Variants in KIF13A observed in about 807,000 individuals in gnomAD.
KIF13A encodes kinesin-like protein KIF13A.
KIF13A carries 79 observed loss-of-function variants against 212.2 expected under a neutral mutation model. The ratio of observed to expected loss-of-function variants is 0.37; its 90% CI spans 0.31 to 0.45. The LOEUF is 0.45. KIF13A is among the 20% of genes least tolerant of loss of function. KIF13A has a pLI of 1.00. For missense variants in KIF13A, 1,901 were observed against 2,209.0 expected (o/e 0.86, Z 2.79); for synonymous variants, 789 against 808.6 (o/e 0.98, Z 0.41).
Position 17,987,518 on chromosome 6 carries a change from T to G in KIF13A, c.-55A>C, listed in dbSNP as rs1019538872. The G allele has an allele frequency of 1.0e-6, 1 of 1,001,684 alleles. No homozygotes were observed. Among genetic ancestry groups the G allele is most frequent in the Non-Finnish European group, 1.2e-6 (1 of 823,066 alleles). 62.0% of individuals were successfully genotyped at this position (1,001,684 alleles called of 1,614,324 possible). On this transcript the variant is annotated 5_prime_UTR_variant, in exon 1 of 39. An upstream open reading frame in the 5' UTR loses its in-frame stop. Transcript: ENST00000259711. This position sits in a 1 kb window ranked among gnomAD's most constrained non-coding sequence, Gnocchi z 7.7. Reference sequence around the variant, plus strand: ...CGCCCGCTCGGCCTTAGGCGGCCCCTCACGCGCGGCGCCGCCGCCGCTGCA... The same window carrying G: ...CGCCCGCTCGGCCTTAGGCGGCCCCGCACGCGCGGCGCCGCCGCCGCTGCA...
At position 17,951,701 on chromosome 6, in the gene KIF13A, A is replaced by G. The variant is rs1042979003; in HGVS notation, c.146+35353T>C. On this transcript the variant is annotated intron_variant, in intron 2 of 38. Transcript: ENST00000259711. This position sits in a 1 kb window ranked among gnomAD's most constrained non-coding sequence, Gnocchi z 4.9. Reference sequence around the variant, plus strand: ...TGTCTGCTCTGGACATTTCACATCAATGGAATCATACAATACATGGTTCCT... The same window carrying G: ...TGTCTGCTCTGGACATTTCACATCAGTGGAATCATACAATACATGGTTCCT... Among the ~76,000 whole-genome samples, 4 of 152,242 alleles carry G rather than the reference A, an allele frequency of 2.6e-5. No homozygotes were observed. The highest frequency in any genetic ancestry group is 2.1e-4 in the South Asian group (1 of 4,828).
At chr6:17,760,830 T>G (rs766055442), downstream of KIF13A, 51 of 1,612,912 alleles carry the variant, frequency 3.2e-5, no homozygotes, top group Non-Finnish European at 4.2e-5. Context: ...CGCCAAGCTG[T>G]GGCCTGAGGA....
At chr6:17,779,245 ATATATATATATATTTTTTTTTTTTTTTT>A (rs1477725626) in intron 32 of KIF13A, 146 bp from the exon 33 acceptor site, 1,466 of 96,356 alleles carry the variant, frequency 0.015, 9 homozygotes, top group Middle Eastern at 0.029. Context: ...GCATATATAT[ATATATATATATATTTTTTTTTTTTTTTT>A]TTTTTTTTTT....
chr6:17,954,085 G>A (rs1778124973), intron 2 of KIF13A, among the ~76,000 whole-genome samples: 1 of 152,082 alleles, frequency 6.6e-6, no homozygotes, highest in East Asian at 1.9e-4. Context: ...AGATCACGAG[G>A]TCAGGAGATG....
At position 17,776,245 on chromosome 6, in the gene KIF13A, A is replaced by G. The variant is rs1429497388; in HGVS notation, c.4170+1032T>C. On this transcript the variant is annotated intron_variant, in intron 34 of 38. Transcript: ENST00000259711. The surrounding 1 kb of genome is among the most constrained non-coding windows in gnomAD (Gnocchi z 4.6). The stretch of plus-strand genomic sequence containing the variant: ...CTCTACTTTTTAATATAAGAGCTAT[A>G]TATTTCCTAATAGTAGCCCTCACTC... Among the ~76,000 whole-genome samples, 4 of 152,138 alleles carry G rather than the reference A, an allele frequency of 2.6e-5. No homozygotes were observed. Among genetic ancestry groups the G allele is most frequent in the African/African-American group, 7.2e-5 (3 of 41,432 alleles).
At chr6:17,948,972 C>T (rs1025743318) in intron 2 of KIF13A, among the ~76,000 whole-genome samples, 17 of 152,032 alleles carry the variant, frequency 1.1e-4, no homozygotes, top group African/African-American at 2.9e-4. Flanking sequence ...AAATACTTTT[C>T]GACTAACAAT....
intron 2 of KIF13A, among the ~76,000 whole-genome samples, chr6:17,954,853 A>T (rs77229600): frequency 0.033 from 5,036 of 151,936 alleles, 191 homozygotes; most frequent in African/African-American, 0.087. Flanking sequence ...AAGAAAAAAA[A>T]TTTTTTTAAG....
intron 11 of KIF13A, among the ~76,000 whole-genome samples, chr6:17,836,483 C>T (rs10949462): frequency 0.45 from 68,231 of 152,012 alleles, 15,935 homozygotes; most frequent in South Asian, 0.54. Context: ...CATGTTGGTC[C>T]TCACAATGCT....
Position 17,945,461 on chromosome 6 carries a change from GA to G in KIF13A, c.146+41592del, listed in dbSNP as rs1257896676. On this transcript the variant is annotated intron_variant, in intron 2 of 38. Transcript: ENST00000259711. The stretch of plus-strand genomic sequence containing the variant: ...AACTTGAAAATTCAGCATACATACA[GA>G]AAAAAATGCATGCATCATATTATAC... Among the ~76,000 whole-genome samples, 3 of 151,054 alleles carry G rather than the reference GA, an allele frequency of 2.0e-5. No individual in the cohort carries two copies. In the East Asian group the frequency reaches 5.8e-4, roughly 29 times the overall value.
At position 17,825,510 on chromosome 6, in the gene KIF13A, G is replaced by C. The variant is rs1348211827; in HGVS notation, c.1786+258C>G. 6.6e-6 allele frequency among the ~76,000 whole-genome samples: 1 copy of C among 152,134 alleles called. No homozygotes were observed. Among genetic ancestry groups the C allele is most frequent in the East Asian group, 1.9e-4 (1 of 5,186 alleles). The stretch of plus-strand genomic sequence containing the variant: ...AATCATTCAGTACTCTAGGCCCGTG[G>C]AAATGTCACCACAATTCGCTTGGGA... On this transcript the variant is annotated intron_variant, in intron 16 of 38. Transcript: ENST00000259711. The surrounding 1 kb of genome is among the most constrained non-coding windows in gnomAD (Gnocchi z 4.5).
Position 17,828,373 on chromosome 6 carries a change from AG to A in KIF13A, c.1402-4del, listed in dbSNP as rs1446220660. 1 of 1,602,098 alleles carries A rather than the reference AG, an allele frequency of 6.2e-7. No individual in the cohort carries two copies. Among genetic ancestry groups the A allele is most frequent in the Non-Finnish European group, 8.5e-7 (1 of 1,175,916 alleles). On this transcript the variant is annotated splice_region_variant and splice_polypyrimidine_tract_variant and intron_variant, in intron 13 of 38. Transcript: ENST00000259711. The surrounding 1 kb of genome is among the most constrained non-coding windows in gnomAD (Gnocchi z 4.3). ...TCTGCACCCACCCTGGTGTGATCCT[AG>A]TAAAAGATTATTAAGGAAAGAAAAA...
At position 17,779,034 on chromosome 6, in the gene KIF13A, G is replaced by A; in HGVS notation, c.4005C>T (p.Gly1335=). ...CAATGTACGTCTCCCCATCTGATGTGCCTTCGTTTTCACTCCTTGCTGCCA... is the reference window on the plus strand; with the variant it reads ...CAATGTACGTCTCCCCATCTGATGTACCTTCGTTTTCACTCCTTGCTGCCA... ...ALLAARSENE[G]TSDGETYIEK... Residue 1335 remains glycine, a synonymous_variant, in exon 33 of 39, where the codon GGC becomes GGT. Coordinates refer to ENST00000259711, the MANE Select transcript of KIF13A (RefSeq NM_022113.6). 1.2e-6 allele frequency: 2 copies of A among 1,613,584 alleles called. No homozygotes were observed. Among genetic ancestry groups the A allele is most frequent in the East Asian group, 4.5e-5 (2 of 44,862 alleles).
intron 3 of KIF13A, among the ~76,000 whole-genome samples, chr6:17,874,263 A>ATGTTTTTGTTTT (rs376102077): frequency 8.6e-5 from 10 of 115,812 alleles, no homozygotes; most frequent in Non-Finnish European, 1.9e-4. Context: ...CCAGCAAAGC[A>ATGTTTTTGTTTT]TGTTTTTGTT....
intron 2 of KIF13A, among the ~76,000 whole-genome samples, chr6:17,935,478 A>G (rs527324707): frequency 6.6e-6 from 1 of 152,324 alleles, no homozygotes; most frequent in Non-Finnish European, 1.5e-5. Flanking sequence ...AGTGATCAGA[A>G]GCTCAGTTCT....
Position 17,863,302 on chromosome 6 carries a change from T to A in KIF13A, c.221-7180A>T, listed in dbSNP as rs569750157. Among the ~76,000 whole-genome samples, 4 of 151,710 alleles carry A rather than the reference T, an allele frequency of 2.6e-5. No homozygotes were observed. The South Asian group carries it at 8.4e-4, about 32-fold the overall frequency. On this transcript the variant is annotated intron_variant, in intron 4 of 38. Coordinates refer to ENST00000259711, the MANE Select transcript of KIF13A (RefSeq NM_022113.6). ...TTGTGTGTGCATGGACATGATGAGATGAAGGAACAGTATCATTACTGGGGC... is the reference window on the plus strand; with the variant it reads ...TTGTGTGTGCATGGACATGATGAGAAGAAGGAACAGTATCATTACTGGGGC...
At chr6:17,942,315 C>A (rs986587572) in intron 2 of KIF13A, among the ~76,000 whole-genome samples, 4 of 141,128 alleles carry the variant, frequency 2.8e-5, no homozygotes, top group African/African-American at 1.1e-4. Context: ...AAACAAAACA[C>A]AACAAGAACA....
At position 17,766,210 on chromosome 6, in the gene KIF13A, T is replaced by TTAAG. The variant is rs1368090358; in HGVS notation, c.4582-1265_4582-1264insCTTA. ...TTGCATTTTATTAATTTACTTATTT[T>TTAAG]ATTTTTAAGATTTATTTATTTATTT... is the stretch of plus-strand genomic sequence containing the variant. On this transcript the variant is annotated intron_variant, in intron 38 of 38. Transcript: ENST00000259711. Among the ~76,000 whole-genome samples, 1,304 of 147,316 alleles carry TTAAG rather than the reference T, an allele frequency of 8.9e-3. 18 individuals are homozygous for TTAAG. Among genetic ancestry groups the TTAAG allele is most frequent in the African/African-American group, 0.031 (1,241 of 40,062 alleles).
chr6:17,974,664 A>T (rs1460882978), intron 2 of KIF13A, among the ~76,000 whole-genome samples: 4 of 56,790 alleles, frequency 7.0e-5, no homozygotes, highest in East Asian at 5.4e-4. Flanking sequence ...AGCTTTTTTA[A>T]AAAAAATCCT....
chr6:17,896,784 G>A (rs919146358), intron 3 of KIF13A, among the ~76,000 whole-genome samples: 4 of 152,130 alleles, frequency 2.6e-5, no homozygotes, highest in Non-Finnish European at 5.9e-5. Context: ...TTTCATTTCA[G>A]TGCTTTTCCT....
Sources: allele counts gnomAD v4.1 joint callset (sites outside exome capture counted in the v4.1 genomes callset), GRCh38; gene constraint gnomAD v4.1.1; non-coding constraint Gnocchi (gnomAD v3.1); transcripts MANE v1.5; gene names NCBI Gene and HGNC (gene_info 2026-07-23, HGNC 2026-07-21).